The following SHISA9 variants were observed in gnomAD, a reference collection of about 807,000 sequenced individuals.
SHISA9 encodes protein shisa-9.
A neutral mutation model predicts 38.0 loss-of-function variants in SHISA9; 13 were observed. The observed-to-expected ratio is 0.34, with a 90% CI of 0.22 to 0.54. SHISA9 has a LOEUF of 0.54. Among genes scored for constraint, SHISA9 ranks in the 20% least tolerant of loss-of-function variants. The pLI is 0.91. For missense variants in SHISA9, 538 were observed against 575.8 expected (o/e 0.93, Z 0.67); for synonymous variants, 275 against 242.0 (o/e 1.14, Z -1.27).
chr16:12,995,126 T>C (rs777429912), intron 2 of SHISA9, among the ~76,000 whole-genome samples: 2 of 152,142 alleles, frequency 1.3e-5, no homozygotes, highest in Non-Finnish European at 2.9e-5. Flanking sequence ...TCTATATTTA[T>C]GGGGTACATG....
intron 2 of SHISA9, among the ~76,000 whole-genome samples, chr16:13,019,608 G>C (rs982384376): frequency 4.6e-5 from 7 of 151,814 alleles, no homozygotes; most frequent in Admixed American, 2.0e-4. Flanking sequence ...TCATTTCCCG[G>C]TCTTTTTTTT....
At chr16:13,475,282 G>A in the SHISA9 span, among the ~76,000 whole-genome samples, 3 of 151,324 alleles carry the variant, frequency 2.0e-5, no homozygotes, top group South Asian at 6.2e-4. Context: ...TTTGCCTAAG[G>A]AATTATCCCC....
the SHISA9 span, among the ~76,000 whole-genome samples, chr16:13,545,698 C>G: frequency 0.011 from 1,657 of 152,262 alleles, 22 homozygotes; most frequent in African/African-American, 0.035. Context: ...TTCTCTCACG[C>G]CATGGCCTGT....
intron 2 of SHISA9, among the ~76,000 whole-genome samples, chr16:12,976,790 T>G (rs1349847644): frequency 6.6e-6 from 1 of 152,134 alleles, no homozygotes; most frequent in African/African-American, 2.4e-5. Flanking sequence ...TAATTTCACC[T>G]GTGGCTTTGC....
At chr16:13,557,197 A>G in the SHISA9 span, among the ~76,000 whole-genome samples, 2 of 152,358 alleles carry the variant, frequency 1.3e-5, no homozygotes, top group African/African-American at 2.4e-5. Flanking sequence ...CTAAGGAGGT[A>G]GAAACATTTG....
At chr16:13,244,250 A>G (rs1459424180), downstream of SHISA9, among the ~76,000 whole-genome samples, 1 of 152,224 alleles carries the variant, frequency 6.6e-6, no homozygotes, top group Non-Finnish European at 1.5e-5. Flanking sequence ...TCATGAAAAT[A>G]TTTTTAGAAA....
chr16:13,073,964 T>TG (rs1454366066), intron 2 of SHISA9, among the ~76,000 whole-genome samples: 5 of 130,224 alleles, frequency 3.8e-5, no homozygotes, highest in East Asian at 2.2e-4. Flanking sequence ...GTCGTTTTTT[T>TG]TTTTGTTTTT....
At chr16:13,092,769 G>C (rs564586014) in intron 2 of SHISA9, among the ~76,000 whole-genome samples, 1 of 152,132 alleles carries the variant, frequency 6.6e-6, no homozygotes, top group Non-Finnish European at 1.5e-5. Context: ...CCAACCCCTT[G>C]TGCTTCTTGG....
chr16:13,273,165 AC>A, the SHISA9 span, among the ~76,000 whole-genome samples: 1 of 152,106 alleles, frequency 6.6e-6, no homozygotes, highest in South Asian at 2.1e-4. Flanking sequence ...AATATTAAGG[AC>A]CCAGTTTTCA....
At chr16:13,159,021 C>G (rs1341634109) in intron 2 of SHISA9, among the ~76,000 whole-genome samples, 1 of 148,516 alleles carries the variant, frequency 6.7e-6, no homozygotes, top group Admixed American at 6.7e-5. Flanking sequence ...AATTGCGCCA[C>G]TACACTCCAG....
the SHISA9 span, among the ~76,000 whole-genome samples, chr16:13,505,328 C>A: frequency 6.6e-6 from 1 of 152,122 alleles, no homozygotes; most frequent in South Asian, 2.1e-4. Context: ...GGAATGGTGC[C>A]CTTCTGGGGG....
At chr16:12,907,045 C>T (rs112652429) in intron 1 of SHISA9, among the ~76,000 whole-genome samples, 1 of 139,476 alleles carries the variant, frequency 7.2e-6, no homozygotes, top group African/African-American at 2.6e-5. Context: ...CATCCCCCTT[C>T]CCCCTTCCCT....
the SHISA9 span, among the ~76,000 whole-genome samples, chr16:13,245,854 G>C: frequency 6.6e-6 from 1 of 152,174 alleles, no homozygotes; most frequent in Non-Finnish European, 1.5e-5. Context: ...TCCCAGAGGA[G>C]AAAGACAAAT....
chr16:13,051,478 C>T (rs1285811199), intron 2 of SHISA9, among the ~76,000 whole-genome samples: 1 of 152,214 alleles, frequency 6.6e-6, no homozygotes, highest in Non-Finnish European at 1.5e-5. Flanking sequence ...TCGACTACTT[C>T]TGGGTGGCCT....
chr16:12,976,217 A>C (rs552214297), intron 2 of SHISA9, among the ~76,000 whole-genome samples: 1 of 152,160 alleles, frequency 6.6e-6, no homozygotes, highest in Admixed American at 6.5e-5. Flanking sequence ...CCTCCCGACT[A>C]GCTGGAGCCA....
chr16:13,417,897 G>T, the SHISA9 span, among the ~76,000 whole-genome samples: 1 of 152,206 alleles, frequency 6.6e-6, no homozygotes, highest in African/African-American at 2.4e-5. Flanking sequence ...CTTTGGTGTG[G>T]TGAAGCTGGT....
rs200405999 is a variant in SHISA9, at chr16:12,975,205, A to G, written c.691+58390A>G. On this transcript the variant is annotated intron_variant, in intron 2 of 4. Coordinates refer to ENST00000558583, the MANE Select transcript of SHISA9 (RefSeq NM_001145204.3). ...GAAGAGGGGCAGTTCACATACAGCT[A>G]TTATGTTCACATAATCAAAGTGTTG... 2.2e-3 allele frequency among the ~76,000 whole-genome samples: 330 copies of G among 152,264 alleles called. 2 individuals carry two copies. Among genetic ancestry groups the G allele is most frequent in the South Asian group, 0.014 (65 of 4,812 alleles).
At chr16:13,362,812 C>A in the SHISA9 span, among the ~76,000 whole-genome samples, 1 of 152,280 alleles carries the variant, frequency 6.6e-6, no homozygotes, top group South Asian at 2.1e-4. Flanking sequence ...TCATACAGAG[C>A]CATTTAGCTT....
intron 2 of SHISA9, among the ~76,000 whole-genome samples, chr16:12,950,712 T>G (rs8054526): frequency 0.74 from 111,702 of 151,052 alleles, 41,440 homozygotes; most frequent in Middle Eastern, 0.78. Flanking sequence ...GGGTTCAAGC[T>G]ATTCTCCTGC....
Sources: allele counts gnomAD v4.1 joint callset (sites outside exome capture counted in the v4.1 genomes callset), GRCh38; gene constraint gnomAD v4.1.1; transcripts MANE v1.5; gene names NCBI Gene and HGNC (gene_info 2026-07-23, HGNC 2026-07-21).